Variants in DBF4B observed in about 807,000 individuals in gnomAD.
DBF4B encodes the protein protein DBF4 homolog B.
A neutral mutation model predicts 53.4 loss-of-function variants in DBF4B; 49 were observed. That is an observed-to-expected ratio of 0.92 (90% CI 0.73 to 1.16). The LOEUF (loss-of-function observed/expected upper bound fraction) is 1.16, where lower values mean the gene tolerates loss of function less well. Ranked by LOEUF, DBF4B falls within the 50% of genes most tolerant of loss-of-function variation. The probability of loss-of-function intolerance (pLI) is 0.00; values close to 1 mark genes in which losing one functional copy is unlikely to be tolerated. For synonymous variants in DBF4B, 257 were observed against 288.7 expected (o/e 0.89, Z 1.11); for missense variants, 692 against 775.0 (o/e 0.89, Z 1.27).
At chr17:44,711,319 T>C (rs1972846285) in intron 2 of DBF4B, among the ~76,000 whole-genome samples, 1 of 152,074 alleles carries the variant, frequency 6.6e-6, no homozygotes, top group Non-Finnish European at 1.5e-5. Context: ...TAAATTATTA[T>C]TTTATTTTAG....
At chr17:44,721,011 G>A (rs184819201) in intron 2 of DBF4B, among the ~76,000 whole-genome samples, 12 of 151,766 alleles carry the variant, frequency 7.9e-5, no homozygotes, top group Admixed American at 2.0e-4. Context: ...GATTACAGGC[G>A]TGAACCACCA....
Position 44,748,431 on chromosome 17 carries a change from C to T in DBF4B, c.1155C>T (p.Pro385=), listed in dbSNP as rs774623067. ...CCTCCCATCCCAGGGCAGCATCTCC[C>T]AGGATAAGGAAAGAAGACAGCTGCC... The part of the protein sequence containing the change: ...HQPSHPRAAS[P]RIRKEDSCQA... Residue 385 remains proline (P), a synonymous_variant, in exon 13 of 14, where the codon CCC becomes CCT. Coordinates refer to ENST00000315005, the MANE Select transcript of DBF4B (RefSeq NM_145663.3). The T allele has an allele frequency of 1.4e-5, 22 of 1,614,002 alleles. 1 individual carries two copies. In the Admixed American group the frequency reaches 3.5e-4, roughly 26 times the overall value.
rs373100335 is a variant in DBF4B, at chr17:44,738,370, C to T, written c.668-9C>T. 1 of 1,613,300 alleles carries T rather than the reference C, an allele frequency of 6.2e-7. No homozygotes were observed. The highest frequency in any genetic ancestry group is 8.5e-7 in the Non-Finnish European group (1 of 1,179,444). Reference sequence around the variant, plus strand: ...CAGATAGCTGATGTGTGCATTCTTCCCCTTTCAGTGGCCAGACTGAAGGCC... The same window carrying T: ...CAGATAGCTGATGTGTGCATTCTTCTCCTTTCAGTGGCCAGACTGAAGGCC... On this transcript the variant is annotated splice_polypyrimidine_tract_variant and intron_variant, in intron 8 of 13. Transcript: ENST00000315005.
intron 5 of DBF4B, 70 bp downstream of exon 5, chr17:44,731,085 G>T: frequency 6.3e-7 from 1 of 1,584,050 alleles, no homozygotes. Flanking sequence ...CTTCTTCCCA[G>T]GTTCTTCTGA....
At chr17:44,738,128 C>T (rs1483096156) in intron 8 of DBF4B, among the ~76,000 whole-genome samples, 2 of 152,236 alleles carry the variant, frequency 1.3e-5, no homozygotes, top group East Asian at 1.9e-4. Flanking sequence ...CTGCGTCCTG[C>T]AGAGGAAGGG....
intron 8 of DBF4B, among the ~76,000 whole-genome samples, chr17:44,737,295 G>A (rs1189107417): frequency 6.6e-6 from 1 of 152,170 alleles, no homozygotes; most frequent in African/African-American, 2.4e-5. Flanking sequence ...GTTCCTCTTG[G>A]ACAGCAGGAG....
chr17:44,719,852 C>A, intron 2 of DBF4B: 1 of 223,998 alleles, frequency 4.5e-6, no homozygotes, highest in Non-Finnish European at 9.4e-6. Context: ...TGATTTTTTT[C>A]TAAAACATGT....
At chr17:44,721,223 C>CG (rs973070378) in intron 2 of DBF4B, among the ~76,000 whole-genome samples, 2 of 129,294 alleles carry the variant, frequency 1.5e-5, no homozygotes, top group Non-Finnish European at 3.2e-5. Flanking sequence ...TCTTCCCCCC[C>CG]CCTCCCCTTT....
At chr17:44,746,872 G>T (rs1464776385) in intron 10 of DBF4B, among the ~76,000 whole-genome samples, 3 of 151,794 alleles carry the variant, frequency 2.0e-5, no homozygotes, top group African/African-American at 7.3e-5. Flanking sequence ...CCCACAGGGA[G>T]GTCTCCAGAC....
chr17:44,741,356 A>G lies in DBF4B; in HGVS notation c.734A>G (p.His245Arg), dbSNP rs1309490746. Residue 245 changes from histidine (H) to arginine (R), a missense_variant, in exon 10 of 14, where the codon CAT (histidine) becomes CGT (arginine). His to Arg is a conservative substitution (Grantham distance 29, BLOSUM62 0). Coordinates refer to ENST00000315005, the MANE Select transcript of DBF4B (RefSeq NM_145663.3). ...DESRKFRPFH[H>R]QFKSFPEISF... The stretch of plus-strand genomic sequence containing the variant: ...TGCAGGAAGTTTCGTCCTTTCCATC[A>G]TCAGTTTAAATCCTTTCCTGAAATT... 1 of 1,613,346 alleles carries G rather than the reference A, an allele frequency of 6.2e-7. No individual in the cohort carries two copies. Among genetic ancestry groups the G allele is most frequent in the Non-Finnish European group, 8.5e-7 (1 of 1,179,400 alleles).
intron 2 of DBF4B, among the ~76,000 whole-genome samples, chr17:44,717,398 T>G (rs999460424): frequency 2.6e-5 from 4 of 152,146 alleles, no homozygotes; most frequent in Non-Finnish European, 4.4e-5. Flanking sequence ...AACATCTATG[T>G]AATAATAGTA....
At position 44,749,056 on chromosome 17, in the gene DBF4B, C is replaced by G. The variant is rs1400072452; in HGVS notation, c.1189+591C>G. Reference sequence around the variant, plus strand: ...CCCTGTATCCCAGGAGGCTGGCCAGCTCCTCAGCTGCCCCACAGCTCCAGG... The same window carrying G: ...CCCTGTATCCCAGGAGGCTGGCCAGGTCCTCAGCTGCCCCACAGCTCCAGG... On this transcript the variant is annotated intron_variant, in intron 13 of 13. Transcript: ENST00000315005. The surrounding 1 kb of genome is among the most constrained non-coding windows in gnomAD (Gnocchi z 4.4). 1.6e-6 allele frequency: 2 copies of G among 1,289,706 alleles called. No homozygotes were observed. The highest frequency in any genetic ancestry group is 3.0e-5 in the African/African-American group (2 of 65,854). The allele number at this position is 1,289,706 out of a possible 1,614,324, so 79.9% of individuals were successfully genotyped here. A position where few individuals can be genotyped will look rare whatever the true frequency, so the allele number is the denominator to read the frequency against.
At chr17:44,732,603 C>A (rs190263002) in intron 6 of DBF4B, 24 of 226,740 alleles carry the variant, frequency 1.1e-4, no homozygotes, top group African/African-American at 4.8e-4. Flanking sequence ...CGAGGTGGCT[C>A]ACACCTGTAA....
chr17:44,721,222 C>CCT (rs1555674689), intron 2 of DBF4B, among the ~76,000 whole-genome samples: 11 of 129,716 alleles, frequency 8.5e-5, no homozygotes, highest in African/African-American at 3.4e-4. Context: ...TTCTTCCCCC[C>CCT]CCCTCCCCTT....
chr17:44,723,708 G>A (rs1026721666), intron 3 of DBF4B, among the ~76,000 whole-genome samples: 44 of 151,792 alleles, frequency 2.9e-4, no homozygotes, highest in African/African-American at 1.0e-3. Context: ...GCAGTAAGCC[G>A]AGATTGTACC....
At chr17:44,709,950 G>A (rs1374652183) in intron 2 of DBF4B, among the ~76,000 whole-genome samples, 1 of 151,668 alleles carries the variant, frequency 6.6e-6, no homozygotes, top group Non-Finnish European at 1.5e-5. Context: ...AAGGCGGGCG[G>A]ATCACGAGGT....
At chr17:44,750,438 A>C in intron 13 of DBF4B, 157 bp from the exon 14 acceptor site, 1 of 985,456 alleles carries the variant, frequency 1.0e-6, no homozygotes, top group African/African-American at 1.7e-5. Flanking sequence ...GAAATAGAGC[A>C]ACTATGTGTA....
At chr17:44,733,466 G>A (rs933170356) in intron 6 of DBF4B, among the ~76,000 whole-genome samples, 19 of 152,206 alleles carry the variant, frequency 1.2e-4, no homozygotes, top group Non-Finnish European at 2.5e-4. Context: ...TTCATACCCA[G>A]CTCCATTCTT....
Position 44,741,333 on chromosome 17 carries a change from C to T in DBF4B, c.714-3C>T. 6.2e-7 allele frequency: 1 copy of T among 1,604,764 alleles called. No homozygotes were observed. Among genetic ancestry groups the T allele is most frequent in the African/African-American group, 1.3e-5 (1 of 74,856 alleles). Reference sequence around the variant, plus strand: ...GTCAAAGTGGAAGTTTTCTCTGTTGCAGGAAGTTTCGTCCTTTCCATCATC... The same window carrying T: ...GTCAAAGTGGAAGTTTTCTCTGTTGTAGGAAGTTTCGTCCTTTCCATCATC... On this transcript the variant is annotated splice_polypyrimidine_tract_variant and splice_region_variant and intron_variant, in intron 9 of 13. Coordinates refer to ENST00000315005, the MANE Select transcript of DBF4B (RefSeq NM_145663.3).
Sources: allele counts gnomAD v4.1 joint callset (sites outside exome capture counted in the v4.1 genomes callset), GRCh38; gene constraint gnomAD v4.1.1; non-coding constraint Gnocchi (gnomAD v3.1); transcripts MANE v1.5; gene names NCBI Gene and HGNC (gene_info 2026-07-23, HGNC 2026-07-21).